Variants in KCNQ3 observed in about 807,000 individuals in gnomAD.
KCNQ3 encodes the protein potassium voltage-gated channel subfamily Q member 3, also known as potassium voltage-gated channel subfamily KQT member 3.
KCNQ3 carries 30 observed loss-of-function variants against 92.5 expected under a neutral mutation model. The ratio of observed to expected loss-of-function variants is 0.32; its 90% CI spans 0.24 to 0.44. KCNQ3 has a LOEUF of 0.44. Among genes scored for constraint, KCNQ3 ranks in the 20% least tolerant of loss-of-function variants. The pLI is 1.00. For missense variants in KCNQ3, 913 were observed against 1,140.3 expected (o/e 0.80, Z 2.87); for synonymous variants, 450 against 468.8 (o/e 0.96, Z 0.52).
chr8:132,249,229 C>G (rs181375621), intron 1 of KCNQ3, among the ~76,000 whole-genome samples: 1 of 152,118 alleles, frequency 6.6e-6, no homozygotes, highest in African/African-American at 2.4e-5. Context: ...TTGCCACTGC[C>G]AGCTGGGGCA....
intron 1 of KCNQ3, among the ~76,000 whole-genome samples, chr8:132,296,317 C>A (rs889987894): frequency 2.0e-5 from 3 of 152,156 alleles, no homozygotes; most frequent in African/African-American, 7.2e-5. Flanking sequence ...ATTTGCCCAG[C>A]ATGACAAAAA....
chr8:132,187,888 G>T (rs1827046081), intron 1 of KCNQ3, among the ~76,000 whole-genome samples: 2 of 93,044 alleles, frequency 2.1e-5, no homozygotes, highest in East Asian at 2.7e-4. Flanking sequence ...GATGGTGGCG[G>T]TGGTGGTGGT....
At chr8:132,370,088 CT>C (rs1819432341) in intron 1 of KCNQ3, among the ~76,000 whole-genome samples, 1 of 152,174 alleles carries the variant, frequency 6.6e-6, no homozygotes. Context: ...TCTCAGCACT[CT>C]ATCTAGGCAC....
chr8:132,391,773 G>T (rs775942027), intron 1 of KCNQ3, among the ~76,000 whole-genome samples: 13 of 152,118 alleles, frequency 8.5e-5, no homozygotes, highest in Non-Finnish European at 1.6e-4. Flanking sequence ...CCAAATGCCA[G>T]CCAGCCTTCT....
At chr8:132,143,756 G>C (rs1382568777) in intron 9 of KCNQ3, among the ~76,000 whole-genome samples, 1 of 152,236 alleles carries the variant, frequency 6.6e-6, no homozygotes, top group Admixed American at 6.5e-5. Flanking sequence ...CACAGAAGCA[G>C]TAGAAGGCTG....
chr8:132,235,369 G>T (rs1157777703), intron 1 of KCNQ3, among the ~76,000 whole-genome samples: 2 of 152,156 alleles, frequency 1.3e-5, no homozygotes, highest in Non-Finnish European at 2.9e-5. Context: ...TGGGCGTGGT[G>T]GCAGGTGCCT....
At chr8:132,356,814 A>G (rs901070025) in intron 1 of KCNQ3, among the ~76,000 whole-genome samples, 3 of 152,232 alleles carry the variant, frequency 2.0e-5, no homozygotes, top group Admixed American at 1.3e-4. Context: ...GGGATGGTCA[A>G]TCTGGAAAGT....
chr8:132,319,637 C>A (rs760884504), intron 1 of KCNQ3, among the ~76,000 whole-genome samples: 6 of 152,170 alleles, frequency 3.9e-5, no homozygotes, highest in Non-Finnish European at 7.3e-5. Flanking sequence ...CGAGCTGCCA[C>A]GACGAAGCAG....
intron 1 of KCNQ3, among the ~76,000 whole-genome samples, chr8:132,398,738 G>C (rs1445015927): frequency 2.0e-5 from 3 of 152,226 alleles, no homozygotes; most frequent in African/African-American, 7.2e-5. Flanking sequence ...TGAGAGTAAG[G>C]AACAGAGGGA....
At chr8:132,330,130 C>T (rs1473930981) in intron 1 of KCNQ3, among the ~76,000 whole-genome samples, 2 of 152,068 alleles carry the variant, frequency 1.3e-5, no homozygotes, top group African/African-American at 2.4e-5. Context: ...TACATAGAGG[C>T]AAAGGCAAAG....
At chr8:132,387,993 GGAA>G (rs969706153) in intron 1 of KCNQ3, among the ~76,000 whole-genome samples, 35 of 111,214 alleles carry the variant, frequency 3.1e-4, no homozygotes, top group South Asian at 2.4e-3. Flanking sequence ...AAGAGGAAGA[GGAA>G]GAAGAAGAAG....
At chr8:132,318,985 G>A (rs1301669852) in intron 1 of KCNQ3, among the ~76,000 whole-genome samples, 1 of 152,194 alleles carries the variant, frequency 6.6e-6, no homozygotes, top group Non-Finnish European at 1.5e-5. Flanking sequence ...GACTAAGGGG[G>A]AAGGTTTCAG....
chr8:132,465,537 G>C (rs1489737637), intron 1 of KCNQ3, among the ~76,000 whole-genome samples: 3 of 152,026 alleles, frequency 2.0e-5, no homozygotes, highest in Non-Finnish European at 4.4e-5. Flanking sequence ...AGACCATCCT[G>C]GCTAACATGG....
intron 1 of KCNQ3, among the ~76,000 whole-genome samples, chr8:132,338,864 A>G (rs569427926): frequency 1.3e-5 from 2 of 152,186 alleles, no homozygotes; most frequent in South Asian, 2.1e-4. Flanking sequence ...GACCTCCATC[A>G]CCTCCTCAGT....
At chr8:132,242,239 A>G (rs572176669) in intron 1 of KCNQ3, among the ~76,000 whole-genome samples, 15 of 152,330 alleles carry the variant, frequency 9.8e-5, no homozygotes, top group Non-Finnish European at 2.1e-4. Context: ...TTCAATCAAC[A>G]GACACATATT....
chr8:132,383,994 C>A (rs1819828167), intron 1 of KCNQ3, among the ~76,000 whole-genome samples: 1 of 150,384 alleles, frequency 6.6e-6, no homozygotes, highest in South Asian at 2.1e-4. Flanking sequence ...CTGTAATGCA[C>A]TTTGTCAGGC....
At chr8:132,381,247 C>G (rs1016390320) in intron 1 of KCNQ3, among the ~76,000 whole-genome samples, 1 of 152,232 alleles carries the variant, frequency 6.6e-6, no homozygotes. Flanking sequence ...AAGCCCAGAT[C>G]GGTCTGATAC....
At chr8:132,198,403 C>A (rs1827366842) in intron 1 of KCNQ3, among the ~76,000 whole-genome samples, 1 of 152,170 alleles carries the variant, frequency 6.6e-6, no homozygotes, top group African/African-American at 2.4e-5. Context: ...GTTTGTTATG[C>A]AGGAATAGAT....
intron 1 of KCNQ3, among the ~76,000 whole-genome samples, chr8:132,293,081 G>A (rs949980753): frequency 7.9e-5 from 12 of 152,228 alleles, no homozygotes; most frequent in African/African-American, 2.9e-4. Flanking sequence ...GATTTCTGGA[G>A]GGTGGCGGTG....
Sources: gnomAD v4.1 joint callset for allele counts (sites outside exome capture counted in the v4.1 genomes callset) on GRCh38, gnomAD v4.1.1 for gene constraint, MANE v1.5 for transcripts, NCBI Gene and HGNC (gene_info 2026-07-23, HGNC 2026-07-21) for gene names.